The following CADM2 variants were observed in gnomAD, a reference collection of about 807,000 sequenced individuals.
CADM2 encodes the protein immunoglobulin superfamily member 4D.
A neutral mutation model predicts 49.8 loss-of-function variants in CADM2; 12 were observed. The observed-to-expected ratio is 0.24, with a 90% CI of 0.15 to 0.39. CADM2 has a LOEUF of 0.39. Among genes scored for constraint, CADM2 ranks in the 10% least tolerant of loss-of-function variants. The pLI is 1.00. For synonymous variants in CADM2, 214 were observed against 175.4 expected (o/e 1.22, Z -1.74); for missense variants, 378 against 492.3 (o/e 0.77, Z 2.20).
intron 1 of CADM2, among the ~76,000 whole-genome samples, chr3:85,070,068 C>T (rs1476959756): frequency 1.3e-5 from 2 of 151,976 alleles, no homozygotes. Context: ...TTTCAATAAG[C>T]AAAATTTTTT....
chr3:85,657,041 T>G (rs2065221111), intron 1 of CADM2, among the ~76,000 whole-genome samples: 2 of 152,184 alleles, frequency 1.3e-5, no homozygotes, highest in African/African-American at 4.8e-5. Flanking sequence ...TCCTGAAATA[T>G]TCTAGGTTTT....
intron 2 of CADM2, among the ~76,000 whole-genome samples, chr3:85,782,940 A>G (rs1326040674): frequency 6.6e-6 from 1 of 152,014 alleles, no homozygotes; most frequent in African/African-American, 2.4e-5. Context: ...TACATTTAAA[A>G]CTCAACTCAG....
At chr3:85,570,312 C>G (rs922683559) in intron 1 of CADM2, among the ~76,000 whole-genome samples, 13 of 152,042 alleles carry the variant, frequency 8.6e-5, no homozygotes, top group Non-Finnish European at 1.9e-4. Flanking sequence ...CATATCAAAA[C>G]AGAGGCTACC....
chr3:85,884,066 C>T (rs73147161), intron 4 of CADM2, among the ~76,000 whole-genome samples: 10,419 of 152,114 alleles, frequency 0.068, 662 homozygotes, highest in African/African-American at 0.16. Context: ...GCCATTTTCC[C>T]AAAGGTGAAA....
intron 1 of CADM2, among the ~76,000 whole-genome samples, chr3:85,322,966 A>G (rs927591541): frequency 3.3e-5 from 5 of 152,160 alleles, no homozygotes; most frequent in Non-Finnish European, 7.4e-5. Context: ...AACTGTTTTC[A>G]TTATTCTTTT....
chr3:85,823,870 C>A (rs2073750978), intron 3 of CADM2, among the ~76,000 whole-genome samples: 1 of 151,872 alleles, frequency 6.6e-6, no homozygotes, highest in African/African-American at 2.4e-5. Flanking sequence ...GTATCTCCTG[C>A]AAGAAAAACT....
intron 1 of CADM2, among the ~76,000 whole-genome samples, chr3:85,089,701 T>C (rs1261861450): frequency 6.6e-6 from 1 of 152,150 alleles, no homozygotes; most frequent in Admixed American, 6.6e-5. Flanking sequence ...CTATTTACTT[T>C]TAGGCTTCCA....
chr3:85,902,184 C>T (rs956968674), intron 5 of CADM2, among the ~76,000 whole-genome samples: 1 of 151,998 alleles, frequency 6.6e-6, no homozygotes, highest in Non-Finnish European at 1.5e-5. Context: ...TTCTGCTTCA[C>T]GTACCTTAAG....
chr3:85,461,706 A>G (rs1056076507), intron 1 of CADM2, among the ~76,000 whole-genome samples: 4 of 152,140 alleles, frequency 2.6e-5, no homozygotes, highest in Non-Finnish European at 4.4e-5. Context: ...AATCCATTCT[A>G]TTTGATACCA....
At chr3:85,628,249 T>C (rs562103670) in intron 1 of CADM2, among the ~76,000 whole-genome samples, 1 of 152,146 alleles carries the variant, frequency 6.6e-6, no homozygotes, top group South Asian at 2.1e-4. Flanking sequence ...GAGTACCTGA[T>C]GTTATTTACG....
At chr3:85,381,576 T>G (rs577639549) in intron 1 of CADM2, among the ~76,000 whole-genome samples, 1 of 110,790 alleles carries the variant, frequency 9.0e-6, no homozygotes, top group Admixed American at 1.2e-4. Flanking sequence ...GGTTCTAATA[T>G]GTAGCCATTC....
At chr3:85,364,637 A>T (rs2032609918) in intron 1 of CADM2, among the ~76,000 whole-genome samples, 1 of 152,118 alleles carries the variant, frequency 6.6e-6, no homozygotes, top group South Asian at 2.1e-4. Flanking sequence ...ATCTAAAATG[A>T]TCTATTTTTT....
At chr3:85,742,789 C>T (rs2068448545) in intron 2 of CADM2, among the ~76,000 whole-genome samples, 1 of 152,128 alleles carries the variant, frequency 6.6e-6, no homozygotes, top group Non-Finnish European at 1.5e-5. Flanking sequence ...AGACAAAAGC[C>T]ATCTCTAGGA....
At chr3:85,579,161 T>C (rs1049864556) in intron 1 of CADM2, among the ~76,000 whole-genome samples, 3 of 152,194 alleles carry the variant, frequency 2.0e-5, no homozygotes, top group African/African-American at 7.2e-5. Context: ...TAAGTAGATT[T>C]GAGCAAATAA....
chr3:85,042,041 A>G (rs1323116083), intron 1 of CADM2, among the ~76,000 whole-genome samples: 2 of 152,172 alleles, frequency 1.3e-5, no homozygotes, highest in African/African-American at 4.8e-5. Context: ...ATTGGTGTAC[A>G]TTCCTTCAGA....
At position 86,069,186 on chromosome 3, in the gene CADM2, T is replaced by C. The variant is rs528714682; in HGVS notation, c.*2403T>C. The stretch of plus-strand genomic sequence containing the variant: ...ATTCTACTTGGCTCCAACAACTAAA[T>C]TGTTGCCTAAATAACTCAATCATTA... On this transcript the variant is annotated 3_prime_UTR_variant, in exon 10 of 10. Transcript: ENST00000383699. The C allele has an allele frequency of 6.6e-6, 1 of 152,094 alleles. No individual in the cohort carries two copies. Among genetic ancestry groups the C allele is most frequent in the East Asian group, 1.9e-4 (1 of 5,174 alleles). The allele number at this position is 152,094 out of a possible 1,614,324, so 9.4% of individuals were successfully genotyped here. A position where few individuals can be genotyped will look rare whatever the true frequency, so the allele number is the denominator to read the frequency against.
At position 85,783,259 on chromosome 3, in the gene CADM2, T is replaced by A. The variant is rs546398380; in HGVS notation, c.89-18788T>A. Among the ~76,000 whole-genome samples, 80 of 152,288 alleles carry A rather than the reference T, an allele frequency of 5.3e-4. 1 individual carries two copies. Among genetic ancestry groups the A allele is most frequent in the South Asian group, 5.2e-3 (25 of 4,826 alleles). On this transcript the variant is annotated intron_variant, in intron 2 of 9. Coordinates refer to ENST00000383699, the MANE Select transcript of CADM2 (RefSeq NM_001167675.2). The stretch of plus-strand genomic sequence containing the variant: ...TAAGAACAGCAGAGTTTATAAGATT[T>A]GGTTAAATGAAGTAGCAAATGCACA...
intron 3 of CADM2, among the ~76,000 whole-genome samples, chr3:85,823,429 A>G (rs1295390218): frequency 6.6e-6 from 1 of 152,114 alleles, no homozygotes; most frequent in Admixed American, 6.6e-5. Flanking sequence ...TAGCTTGCCA[A>G]TCTACTTCTA....
At chr3:85,874,973 A>G (rs1190105641) in intron 3 of CADM2, among the ~76,000 whole-genome samples, 1 of 152,162 alleles carries the variant, frequency 6.6e-6, no homozygotes, top group Non-Finnish European at 1.5e-5. Flanking sequence ...ATTACTGAAA[A>G]ACTGTCTTCA....
Sources: allele counts gnomAD v4.1 joint callset (sites outside exome capture counted in the v4.1 genomes callset), GRCh38; gene constraint gnomAD v4.1.1; transcripts MANE v1.5; gene names NCBI Gene and HGNC (gene_info 2026-07-23, HGNC 2026-07-21).